Variants in TBC1D31 observed in about 807,000 individuals in gnomAD.
The protein encoded by TBC1D31 is TBC1 domain family member 31, also known as WD repeat domain 67.
A neutral mutation model predicts 132.9 loss-of-function variants in TBC1D31; 99 were observed. The observed-to-expected ratio is 0.74, with a 90% CI of 0.63 to 0.88. TBC1D31 has a LOEUF of 0.88. TBC1D31 is among the 40% of genes least tolerant of loss of function. The pLI, the probability that TBC1D31 is intolerant of heterozygous loss-of-function variation, is 0.00. For missense variants in TBC1D31, 1,134 were observed against 1,256.6 expected (o/e 0.90, Z 1.48); for synonymous variants, 385 against 419.4 (o/e 0.92, Z 1.00).
At chr8:123,133,843 C>T (rs1820837279) in intron 16 of TBC1D31, among the ~76,000 whole-genome samples, 1 of 152,166 alleles carries the variant, frequency 6.6e-6, no homozygotes, top group Admixed American at 6.5e-5. Flanking sequence ...TACTGTAATA[C>T]TGTAAGAACT....
intron 11 of TBC1D31, 128 bp from the exon 12 acceptor site, chr8:123,125,927 TA>T: frequency 1.5e-6 from 1 of 672,826 alleles, no homozygotes. Flanking sequence ...TCATACAATA[TA>T]AAGAGTTTTT....
the TBC1D31 span, among the ~76,000 whole-genome samples, chr8:123,157,228 T>C: frequency 1.3e-3 from 197 of 152,278 alleles, 1 homozygote; most frequent in Middle Eastern, 3.4e-3. Flanking sequence ...ACAAAATTAT[T>C]GTGCCCCGTG....
chr8:123,146,709 G>C (rs1822246156), intron 20 of TBC1D31, among the ~76,000 whole-genome samples: 1 of 149,936 alleles, frequency 6.7e-6, no homozygotes, highest in African/African-American at 2.5e-5. Context: ...TTTAAAGACA[G>C]AACTTCACTC....
rs1180548901 is a variant in TBC1D31 at position 123,097,227 on chromosome 8, G to C, written c.672-55G>C. ...TCATCATAGAAAGTTCTGTCGGACA[G>C]TGCTGCTACAAACAATTGAACCCGT... On this transcript the variant is annotated intron_variant, in intron 5 of 21. Coordinates refer to ENST00000287380, the MANE Select transcript of TBC1D31 (RefSeq NM_145647.4). 4 of 1,595,318 alleles carry C rather than the reference G, an allele frequency of 2.5e-6. No homozygotes were observed. In the African/African-American group the frequency reaches 5.4e-5, roughly 21 times the overall value.
At chr8:123,120,010 T>C (rs1819317858) in intron 10 of TBC1D31, 45 bp from the exon 11 acceptor site, 1 of 1,450,924 alleles carries the variant, frequency 6.9e-7, no homozygotes, top group Non-Finnish European at 9.2e-7. Flanking sequence ...TGTGAAGATA[T>C]TATTTATTCA....
chr8:123,097,187 C>A, intron 5 of TBC1D31, 95 bp from the exon 6 acceptor site: 3 of 1,339,806 alleles, frequency 2.2e-6, no homozygotes, highest in Non-Finnish European at 2.1e-6. Flanking sequence ...ATAGCATAGA[C>A]ACAGTACATT....
At chr8:123,096,942 A>G (rs2130270544) in intron 5 of TBC1D31, among the ~76,000 whole-genome samples, 1 of 152,318 alleles carries the variant, frequency 6.6e-6, no homozygotes, top group South Asian at 2.1e-4. Flanking sequence ...CTTTGAGATT[A>G]TGCTATAAAA....
chr8:123,085,491 G>A (rs980514258), intron 4 of TBC1D31, among the ~76,000 whole-genome samples: 4 of 152,160 alleles, frequency 2.6e-5, no homozygotes, highest in Non-Finnish European at 5.9e-5. Flanking sequence ...CTGGAGTGCA[G>A]TGGTGTGATC....
the TBC1D31 span, among the ~76,000 whole-genome samples, chr8:123,159,570 C>T: frequency 1.3e-5 from 2 of 152,076 alleles, no homozygotes; most frequent in Non-Finnish European, 2.9e-5. Flanking sequence ...GGCGGGAGGA[C>T]CACCTGAGGT....
chr8:123,157,311 A>C, the TBC1D31 span, among the ~76,000 whole-genome samples: 1 of 152,134 alleles, frequency 6.6e-6, no homozygotes, highest in Non-Finnish European at 1.5e-5. Context: ...GCACCTAGTA[A>C]GGGTTTCCGG....
At chr8:123,158,747 A>G in the TBC1D31 span, among the ~76,000 whole-genome samples, 7 of 152,166 alleles carry the variant, frequency 4.6e-5, no homozygotes, top group Admixed American at 4.6e-4. Flanking sequence ...TGCTGAGGAT[A>G]GGCGAAGAGG....
intron 2 of TBC1D31, 139 bp downstream of exon 2, chr8:123,077,396 T>G: frequency 2.4e-6 from 2 of 816,616 alleles, no homozygotes; most frequent in Non-Finnish European, 3.6e-6. Context: ...AATACTGTCA[T>G]AAGTGCTAAA....
At chr8:123,148,707 T>A (rs1454793351) in intron 20 of TBC1D31, among the ~76,000 whole-genome samples, 1 of 152,178 alleles carries the variant, frequency 6.6e-6, no homozygotes, top group Non-Finnish European at 1.5e-5. Flanking sequence ...TTCCATTTGC[T>A]ACAAGTATTT....
intron 18 of TBC1D31, among the ~76,000 whole-genome samples, chr8:123,141,799 A>G (rs904824381): frequency 1.4e-5 from 2 of 143,828 alleles, no homozygotes; most frequent in African/African-American, 5.2e-5. Context: ...ACCCTAGCCG[A>G]TAAGTTCTTA....
At chr8:123,146,688 CTT>C (rs973392021) in intron 20 of TBC1D31, among the ~76,000 whole-genome samples, 3 of 144,462 alleles carry the variant, frequency 2.1e-5, no homozygotes, top group Non-Finnish European at 1.5e-5. Context: ...TTATGCCTAC[CTT>C]TTTTTTTTTT....
At position 123,129,584 on chromosome 8, in the gene TBC1D31, C is replaced by T. The variant is rs16898026; in HGVS notation, c.2270+366C>T. Among the ~76,000 whole-genome samples, 1,264 of 152,178 alleles carry T rather than the reference C, an allele frequency of 8.3e-3. 15 individuals are homozygous for T. Among genetic ancestry groups the T allele is most frequent in the African/African-American group, 0.03 (1,228 of 41,514 alleles). ...TTTTTTTAATTGTGTTTTAAACATACCTGTGTGACCTGACAGTTGTAACAT... is the reference window on the plus strand; with the variant it reads ...TTTTTTTAATTGTGTTTTAAACATATCTGTGTGACCTGACAGTTGTAACAT... On this transcript the variant is annotated intron_variant, in intron 15 of 21. Transcript: ENST00000287380.
chr8:123,140,640 A>T, intron 17 of TBC1D31, 121 bp from the exon 18 acceptor site: 2 of 814,494 alleles, frequency 2.5e-6, no homozygotes, highest in Non-Finnish European at 3.7e-6. Context: ...GTTGAATTTT[A>T]CTTTGAAAAT....
At chr8:123,156,729 T>C (rs1822999260), downstream of TBC1D31, among the ~76,000 whole-genome samples, 1 of 152,114 alleles carries the variant, frequency 6.6e-6, no homozygotes, top group African/African-American at 2.4e-5. Flanking sequence ...CCAGACCCTA[T>C]CATGACCTGC....
At chr8:123,086,697 C>A (rs576671822) in intron 4 of TBC1D31, among the ~76,000 whole-genome samples, 3 of 151,936 alleles carry the variant, frequency 2.0e-5, no homozygotes, top group Non-Finnish European at 4.4e-5. Flanking sequence ...CCCTCTCTCC[C>A]CTTCCTTCTT....
Sources: allele counts gnomAD v4.1 joint callset (sites outside exome capture counted in the v4.1 genomes callset), GRCh38; gene constraint gnomAD v4.1.1; transcripts MANE v1.5; gene names NCBI Gene and HGNC (gene_info 2026-07-23, HGNC 2026-07-21).